The following RBFOX1 variants were observed in gnomAD, a reference collection of about 807,000 sequenced individuals.
RBFOX1 encodes RNA binding fox-1 homolog 1, also known as RNA binding protein fox-1 homolog 1.
Under a neutral mutation model 57.7 loss-of-function variants are expected in RBFOX1, and 8 were observed. The observed-to-expected ratio is 0.14, with a 90% CI of 0.08 to 0.25. The LOEUF is 0.25. Ranked by LOEUF, RBFOX1 falls within the 10% of genes least tolerant of loss-of-function variation. RBFOX1 has a pLI of 1.00. For missense variants in RBFOX1, 611 were observed against 548.5 expected, an observed-to-expected ratio of 1.11 and a Z score of -1.14; for synonymous variants, 326 against 222.4, an observed-to-expected ratio of 1.47 and a Z score of -4.15.
intron 4 of RBFOX1, among the ~76,000 whole-genome samples, chr16:7,177,254 G>A (rs534087557): frequency 6.6e-6 from 1 of 152,100 alleles, no homozygotes; most frequent in African/African-American, 2.4e-5. Context: ...TAGCTTGATT[G>A]TCCATGGATA....
chr16:6,208,316 G>A (rs2097268686), intron 1 of RBFOX1, among the ~76,000 whole-genome samples: 1 of 151,550 alleles, frequency 6.6e-6, no homozygotes, highest in African/African-American at 2.4e-5. Flanking sequence ...TAATTTTTTT[G>A]TTGAAAGCAA....
intron 4 of RBFOX1, among the ~76,000 whole-genome samples, chr16:5,884,444 C>T (rs866481907): frequency 6.8e-6 from 1 of 147,482 alleles, no homozygotes; most frequent in African/African-American, 2.5e-5. Context: ...GTTCCACCGC[C>T]CCGCCCCCCG....
At chr16:6,407,074 G>T (rs1444455523) in intron 2 of RBFOX1, among the ~76,000 whole-genome samples, 1 of 152,196 alleles carries the variant, frequency 6.6e-6, no homozygotes, top group African/African-American at 2.4e-5. Flanking sequence ...TGTTACGGTT[G>T]AATATCAATG....
intron 4 of RBFOX1, among the ~76,000 whole-genome samples, chr16:7,500,966 T>G (rs1466809197): frequency 6.6e-6 from 1 of 152,204 alleles, no homozygotes; most frequent in Admixed American, 6.5e-5. Flanking sequence ...CCCCCTGCTT[T>G]GCTCGGCCCT....
intron 3 of RBFOX1, among the ~76,000 whole-genome samples, chr16:5,665,733 T>A (rs574123885): frequency 1.4e-4 from 21 of 152,312 alleles, no homozygotes; most frequent in African/African-American, 5.1e-4. Context: ...TTAGCACAGA[T>A]CCTGGAAAAC....
chr16:5,613,174 G>A (rs939460635), intron 3 of RBFOX1, among the ~76,000 whole-genome samples: 3 of 152,156 alleles, frequency 2.0e-5, no homozygotes, highest in East Asian at 3.8e-4. Context: ...GTACCAAGAC[G>A]GGAAACAGTT....
intron 3 of RBFOX1, among the ~76,000 whole-genome samples, chr16:5,644,545 C>G (rs1028282333): frequency 1.1e-4 from 16 of 152,216 alleles, no homozygotes; most frequent in African/African-American, 3.1e-4. Context: ...AGGAGTTAGT[C>G]TGAGATACAT....
intron 3 of RBFOX1, among the ~76,000 whole-genome samples, chr16:6,897,403 A>G (rs935626796): frequency 4.6e-5 from 7 of 152,068 alleles, no homozygotes; most frequent in South Asian, 4.2e-4. Context: ...ACTCCGTCAC[A>G]CACACACAAA....
At chr16:5,690,446 C>G (rs184926572) in intron 3 of RBFOX1, among the ~76,000 whole-genome samples, 12 of 152,286 alleles carry the variant, frequency 7.9e-5, no homozygotes, top group African/African-American at 2.9e-4. Context: ...CCACTACCTT[C>G]CCCACCATGT....
At chr16:6,381,686 C>T (rs1010008714) in intron 2 of RBFOX1, among the ~76,000 whole-genome samples, 16 of 152,296 alleles carry the variant, frequency 1.1e-4, no homozygotes, top group African/African-American at 3.4e-4. Flanking sequence ...TCTGTCATGA[C>T]GCTGGGGACA....
chr16:7,664,958 C>T lies in RBFOX1; in HGVS notation c.920C>T (p.Ala307Val). ...GVVYQDGFYG[A>V]DIYGGYAAYR... ...GTTTACCAGGATGGATTTTATGGTG[C>T]AGACATTTATGTAAGTATTCATTCA... The change falls in exon 13 of 16, where the codon GCA becomes GTA. Residue 307 changes from alanine to valine, a missense_variant. Physicochemically the swap from Ala to Val is moderately conservative, Grantham distance 64. Transcript: ENST00000550418. 1 of 1,613,950 alleles carries T rather than the reference C, an allele frequency of 6.2e-7. No homozygotes were observed. Among genetic ancestry groups the T allele is most frequent in the Non-Finnish European group, 8.5e-7 (1 of 1,179,846 alleles).
intron 4 of RBFOX1, among the ~76,000 whole-genome samples, chr16:5,969,715 T>A (rs538278836): frequency 7.9e-5 from 12 of 152,234 alleles, no homozygotes; most frequent in African/African-American, 2.9e-4. Flanking sequence ...TTTTTGCTTC[T>A]TTTCATGTAG....
At chr16:6,035,696 C>T (rs540977080) in intron 1 of RBFOX1, among the ~76,000 whole-genome samples, 12 of 152,152 alleles carry the variant, frequency 7.9e-5, no homozygotes, top group Non-Finnish European at 1.5e-4. Flanking sequence ...CCCTCATCAG[C>T]GTCACCTTCT....
intron 4 of RBFOX1, among the ~76,000 whole-genome samples, chr16:5,891,831 G>A (rs1393308331): frequency 6.6e-6 from 1 of 152,166 alleles, no homozygotes; most frequent in Admixed American, 6.5e-5. Flanking sequence ...GACCTTGATG[G>A]AGGCTTGGAG....
intron 2 of RBFOX1, among the ~76,000 whole-genome samples, chr16:6,460,521 A>T (rs1250739417): frequency 6.6e-6 from 1 of 152,158 alleles, no homozygotes; most frequent in African/African-American, 2.4e-5. Flanking sequence ...ATCATTAGAG[A>T]GATGCAAATC....
chr16:5,471,581 C>T (rs1016663187), intron 2 of RBFOX1, among the ~76,000 whole-genome samples: 4 of 152,098 alleles, frequency 2.6e-5, no homozygotes, highest in Non-Finnish European at 5.9e-5. Context: ...CCCCGGAGAA[C>T]CCTCTGTCTC....
At chr16:6,767,338 T>C (rs941198372) in intron 3 of RBFOX1, among the ~76,000 whole-genome samples, 2 of 152,138 alleles carry the variant, frequency 1.3e-5, no homozygotes, top group Non-Finnish European at 2.9e-5. Flanking sequence ...CTGAAATTGA[T>C]GGCCATTTCT....
chr16:6,685,071 C>A (rs1279431429), intron 3 of RBFOX1, among the ~76,000 whole-genome samples: 1 of 152,102 alleles, frequency 6.6e-6, no homozygotes, highest in East Asian at 1.9e-4. Context: ...AGGTGAAATT[C>A]AAACCTCCAT....
At chr16:5,536,395 C>T (rs138480175) in intron 2 of RBFOX1, among the ~76,000 whole-genome samples, 7,000 of 151,804 alleles carry the variant, frequency 0.046, 196 homozygotes, top group East Asian at 0.11. Flanking sequence ...CCACCATGCC[C>T]GGCTAATTTT....
Sources: gnomAD v4.1 joint callset for allele counts (sites outside exome capture counted in the v4.1 genomes callset) on GRCh38, gnomAD v4.1.1 for gene constraint, MANE v1.5 for transcripts, NCBI Gene and HGNC (gene_info 2026-07-23, HGNC 2026-07-21) for gene names.